The following PDE4D variants were observed in gnomAD, a reference collection of about 807,000 sequenced individuals.
PDE4D encodes 3',5'-cyclic-AMP phosphodiesterase 4D.
PDE4D carries 24 observed loss-of-function variants against 87.4 expected under a neutral mutation model. The ratio of observed to expected loss-of-function variants is 0.27; its 90% CI spans 0.20 to 0.39. The LOEUF is 0.39. Among genes scored for constraint, PDE4D ranks in the 10% least tolerant of loss-of-function variants. The pLI, the probability that PDE4D is intolerant of heterozygous loss-of-function variation, is 1.00. For missense variants in PDE4D, 714 were observed against 1,041.0 expected (o/e 0.69, Z 4.32); for synonymous variants, 384 against 383.2 (o/e 1.00, Z -0.02).
chr5:60,369,611 G>A (rs562296424), intron 1 of PDE4D, among the ~76,000 whole-genome samples: 134 of 152,180 alleles, frequency 8.8e-4, no homozygotes, highest in African/African-American at 3.0e-3. Context: ...AGGAGCATGC[G>A]CACCATGGTC....
At chr5:59,254,492 G>C (rs1294243718) in intron 1 of PDE4D, among the ~76,000 whole-genome samples, 2 of 151,992 alleles carry the variant, frequency 1.3e-5, no homozygotes, top group Non-Finnish European at 2.9e-5. Flanking sequence ...CAGATGGCAA[G>C]AAGAGTGCTT....
chr5:59,505,286 T>G (rs1258541113), intron 1 of PDE4D, among the ~76,000 whole-genome samples: 1 of 152,208 alleles, frequency 6.6e-6, no homozygotes, highest in African/African-American at 2.4e-5. Context: ...AATTCTGAGT[T>G]GGCTCTGGCA....
At chr5:58,987,447 C>T (rs912632913) in intron 11 of PDE4D, among the ~76,000 whole-genome samples, 1 of 152,086 alleles carries the variant, frequency 6.6e-6, no homozygotes, top group Non-Finnish European at 1.5e-5. Context: ...AGTCCAGAGG[C>T]CATTATAAGA....
At chr5:59,155,965 G>T (rs562581810) in intron 5 of PDE4D, among the ~76,000 whole-genome samples, 1 of 152,224 alleles carries the variant, frequency 6.6e-6, no homozygotes, top group Admixed American at 6.5e-5. Flanking sequence ...CTGCTGGTTT[G>T]GGAGGCTTAA....
Position 59,603,602 on chromosome 5 carries a change from T to C in PDE4D, c.455+289566A>G, listed in dbSNP as rs75117991. ...AATAGTATGGAGGTTCTTTGAATAATTAAAAATAGAACTACCATATGATCC... is the reference window on the plus strand; with the variant it reads ...AATAGTATGGAGGTTCTTTGAATAACTAAAAATAGAACTACCATATGATCC... On this transcript the variant is annotated intron_variant, in intron 1 of 14. Coordinates refer to ENST00000340635, the MANE Select transcript of PDE4D (RefSeq NM_001104631.2). Among the ~76,000 whole-genome samples, 7 of 151,984 alleles carry C rather than the reference T, an allele frequency of 4.6e-5. No individual in the cohort carries two copies. The South Asian group carries it at 1.2e-3, about 27-fold the overall frequency.
intron 2 of PDE4D, among the ~76,000 whole-genome samples, chr5:60,049,098 C>T (rs1017532025): frequency 5.3e-5 from 8 of 152,154 alleles, no homozygotes; most frequent in East Asian, 3.9e-4. Context: ...CTTCCCTTCT[C>T]ACTTCATTTC....
chr5:59,943,913 T>C (rs6897766), intron 3 of PDE4D, among the ~76,000 whole-genome samples: 61,392 of 152,088 alleles, frequency 0.4, 13,235 homozygotes, highest in East Asian at 0.74. Context: ...GGGACTATTA[T>C]GGCAGACGAA....
At chr5:59,245,555 C>A (rs1758681255) in intron 1 of PDE4D, among the ~76,000 whole-genome samples, 1 of 152,090 alleles carries the variant, frequency 6.6e-6, no homozygotes. Flanking sequence ...AATAAACTCT[C>A]TGAGTTTTCG....
At chr5:60,466,819 T>G (rs919547329) in intron 1 of PDE4D, among the ~76,000 whole-genome samples, 1 of 152,114 alleles carries the variant, frequency 6.6e-6, no homozygotes, top group African/African-American at 2.4e-5. Context: ...TTGTTCTCAG[T>G]AGTTGATTTT....
intron 1 of PDE4D, among the ~76,000 whole-genome samples, chr5:59,361,133 T>C (rs1782157581): frequency 6.6e-6 from 1 of 152,140 alleles, no homozygotes; most frequent in African/African-American, 2.4e-5. Flanking sequence ...CAAAGCTCCT[T>C]CTAAAGCTTT....
At chr5:59,388,551 A>G (rs1194313159) in intron 1 of PDE4D, among the ~76,000 whole-genome samples, 1 of 152,064 alleles carries the variant, frequency 6.6e-6, no homozygotes, top group African/African-American at 2.4e-5. Flanking sequence ...TGTTCATTAT[A>G]GCATTATTTA....
intron 2 of PDE4D, among the ~76,000 whole-genome samples, chr5:59,205,001 G>T (rs1304435483): frequency 6.6e-6 from 1 of 152,218 alleles, no homozygotes; most frequent in Non-Finnish European, 1.5e-5. Flanking sequence ...TGACAACTCT[G>T]CATTAAATGG....
At chr5:59,367,195 A>C (rs1319447792) in intron 1 of PDE4D, among the ~76,000 whole-genome samples, 1 of 152,242 alleles carries the variant, frequency 6.6e-6, no homozygotes, top group African/African-American at 2.4e-5. Flanking sequence ...AGCTATAAGT[A>C]GCAGAAAGTG....
At chr5:58,997,982 C>G (rs370552888) in intron 6 of PDE4D, among the ~76,000 whole-genome samples, 2 of 151,932 alleles carry the variant, frequency 1.3e-5, no homozygotes, top group African/African-American at 4.8e-5. Context: ...TGGTATGGGT[C>G]CAATAGTAAG....
intron 1 of PDE4D, among the ~76,000 whole-genome samples, chr5:60,221,777 T>G (rs1184480455): frequency 6.6e-6 from 1 of 152,148 alleles, no homozygotes; most frequent in Non-Finnish European, 1.5e-5. Flanking sequence ...TTGCATTCAT[T>G]AGTAGTTCTC....
chr5:59,750,105 A>T (rs73103119), intron 1 of PDE4D, among the ~76,000 whole-genome samples: 6,646 of 94,722 alleles, frequency 0.07, 539 homozygotes, highest in African/African-American at 0.22. Context: ...TTTTTTTTTT[A>T]ACTACTTTTA....
intron 5 of PDE4D, among the ~76,000 whole-genome samples, chr5:59,153,854 A>T (rs2153461413): frequency 6.6e-6 from 1 of 152,124 alleles, no homozygotes; most frequent in East Asian, 1.9e-4. Context: ...TTGGGAGAAG[A>T]GCCTGACTCG....
chr5:58,996,721 T>A (rs1749322164), intron 6 of PDE4D, among the ~76,000 whole-genome samples: 1 of 152,202 alleles, frequency 6.6e-6, no homozygotes, highest in African/African-American at 2.4e-5. Flanking sequence ...CCTGCAGATA[T>A]GCTACATATA....
intron 1 of PDE4D, among the ~76,000 whole-genome samples, chr5:60,227,515 A>T (rs2073907723): frequency 6.7e-6 from 1 of 148,444 alleles, no homozygotes; most frequent in African/African-American, 2.5e-5. Flanking sequence ...AGAGGGAAAT[A>T]AGGGTAGAAG....
Sources: gnomAD v4.1 joint callset for allele counts (sites outside exome capture counted in the v4.1 genomes callset) on GRCh38, gnomAD v4.1.1 for gene constraint, MANE v1.5 for transcripts, NCBI Gene and HGNC (gene_info 2026-07-23, HGNC 2026-07-21) for gene names.